The following ZNF318 variants were observed in gnomAD, a reference collection of about 807,000 sequenced individuals.
ZNF318 encodes the protein zinc finger protein 318, also known as endocrine regulator.
Under a neutral mutation model 124.2 loss-of-function variants are expected in ZNF318, and 51 were observed. The observed-to-expected ratio is 0.41, with a 90% CI of 0.33 to 0.52. ZNF318 has a LOEUF of 0.52. Among genes scored for constraint, ZNF318 ranks in the 20% least tolerant of loss-of-function variants. The pLI is 0.23. For missense variants in ZNF318, 2,815 were observed against 2,811.2 expected (o/e 1.00, Z -0.03); for synonymous variants, 1,090 against 1,040.7 (o/e 1.05, Z -0.91).
At position 43,337,234 on chromosome 6, in the gene ZNF318, A is replaced by G. The variant is rs1196809186; in HGVS notation, c.6764T>C (p.Val2255Ala). Residue 2255 changes from valine to alanine, a missense_variant, in exon 10 of 10, where the codon GTC becomes GCC. Physicochemically the swap from Val to Ala is moderately conservative, Grantham distance 64. Transcript: ENST00000361428. ...TTCCTGTTCAGGCATTCCCTGAGGG[A>G]CCATATTGTCTTCAATTACCTGCTC... ...PREQVIEDNM[V>A]PQGMPEQETT... The G allele has an allele frequency of 6.2e-6, 10 of 1,614,080 alleles. No individual in the cohort carries two copies. The highest frequency in any genetic ancestry group is 8.5e-6 in the Non-Finnish European group (10 of 1,179,984).
intron 2 of ZNF318, among the ~76,000 whole-genome samples, chr6:43,361,436 C>T (rs1175348456): frequency 6.6e-6 from 1 of 152,180 alleles, no homozygotes; most frequent in Admixed American, 6.5e-5. Flanking sequence ...TGTGGCAGTG[C>T]AGCCCATAGT....
chr6:43,340,449 T>A lies in ZNF318; in HGVS notation c.3549A>T (p.Gln1183His). 1 of 1,613,424 alleles carries A rather than the reference T, an allele frequency of 6.2e-7. No individual in the cohort carries two copies. Among genetic ancestry groups the A allele is most frequent in the South Asian group, 1.1e-5 (1 of 90,848 alleles). ...LYEERRNLDR[Q>H]AGLAVVLETE... ...TCTCTAGGACCACAGCCAAGCCAGCTTGGCGGTCCAGATTCCGCCGCTCCT... is the reference window on the plus strand; with the variant it reads ...TCTCTAGGACCACAGCCAAGCCAGCATGGCGGTCCAGATTCCGCCGCTCCT... Residue 1183 changes from glutamine to histidine, a missense_variant, in exon 10 of 10, where the codon CAA (glutamine) becomes CAT (histidine). By Grantham distance (24) the Gln-to-His change is conservative. Around this residue, in one of 4 missense-constraint regions of ZNF318, gnomAD observed 500 missense variants for 605.2 expected, o/e 0.83. Coordinates refer to ENST00000361428, the MANE Select transcript of ZNF318 (RefSeq NM_014345.3).
intron 8 of ZNF318, among the ~76,000 whole-genome samples, chr6:43,341,518 C>T (rs1779373136): frequency 6.6e-6 from 1 of 151,984 alleles, no homozygotes; most frequent in African/African-American, 2.4e-5. Flanking sequence ...GGCATGGTGG[C>T]AGGCGCCTGT....
rs756450411 is a variant in ZNF318 at position 43,348,530 on chromosome 6, T to C, written c.2866A>G (p.Ile956Val). The C allele has an allele frequency of 6.2e-6, 10 of 1,614,098 alleles. No individual in the cohort carries two copies. The highest frequency in any genetic ancestry group is 7.6e-6 in the Non-Finnish European group (9 of 1,180,036). The change falls in exon 6 of 10, where the codon ATT (isoleucine) becomes GTT (valine). Residue 956 changes from isoleucine to valine, a missense_variant. Ile to Val is a conservative substitution (Grantham distance 29). This residue lies in a region of ZNF318 where 1,377 missense variants were observed against 1,353.5 expected (regional missense o/e 1.02). Coordinates refer to ENST00000361428, the MANE Select transcript of ZNF318 (RefSeq NM_014345.3). ...SRLQDNIMKD[I>V]AELRQEAEEA... The stretch of plus-strand genomic sequence containing the variant: ...TCTGCCTCTTGCCGTAGCTCTGCAA[T>C]GTCCTTCATAATGTTATCCTGAAGC...
At chr6:43,351,164 C>T (rs1779517852) in intron 5 of ZNF318, among the ~76,000 whole-genome samples, 1 of 152,090 alleles carries the variant, frequency 6.6e-6, no homozygotes, top group Admixed American at 6.5e-5. Context: ...GGATATTCTA[C>T]AAAATATGTG....
chr6:43,360,025 C>T (rs2150756260), intron 2 of ZNF318, among the ~76,000 whole-genome samples: 1 of 152,270 alleles, frequency 6.6e-6, no homozygotes, highest in South Asian at 2.1e-4. Flanking sequence ...ACACCATCTA[C>T]CATACAAAAA....
At chr6:43,362,476 A>T (rs1408806271) in intron 2 of ZNF318, among the ~76,000 whole-genome samples, 1 of 151,724 alleles carries the variant, frequency 6.6e-6, no homozygotes, top group Non-Finnish European at 1.5e-5. Flanking sequence ...TAAAAATAAA[A>T]AAATAAATGA....
Position 43,348,604 on chromosome 6 carries a change from C to T in ZNF318, c.2792G>A (p.Arg931Gln), listed in dbSNP as rs1203369676. The T allele has an allele frequency of 5.0e-6, 8 of 1,613,950 alleles. No individual in the cohort carries two copies. Among genetic ancestry groups the T allele is most frequent in the Non-Finnish European group, 6.8e-6 (8 of 1,179,916 alleles). The change falls in exon 6 of 10, where the codon CGA (arginine) becomes CAA (glutamine). Residue 931 changes from arginine to glutamine, a missense_variant. Around this residue, in one of 4 missense-constraint regions of ZNF318, gnomAD observed 1,377 missense variants for 1,353.5 expected, o/e 1.02. Transcript: ENST00000361428. ...KQQGEMLRKK[R>Q]REKDGHKDPL... The stretch of plus-strand genomic sequence containing the variant: ...ATCTTTGTGGCCATCCTTCTCCCTT[C>T]GTTTCTTGCGCAGCATTTCTCCTGA...
Position 43,338,050 on chromosome 6 carries a change from T to G in ZNF318, c.5948A>C (p.Gln1983Pro). The change falls in exon 10 of 10, where the codon CAA becomes CCA. Residue 1983 changes from glutamine (Q) to proline (P), a missense_variant. By Grantham distance (76) the Gln-to-Pro change is moderately conservative. Around this residue, in one of 4 missense-constraint regions of ZNF318, gnomAD observed 927 missense variants for 820.6 expected, o/e 1.13. Transcript: ENST00000361428. ...CACTGTTAACTCTGGATGGACATCT[T>G]GTAGCTCCAGTGCTTCTGTTTTTGG... is the stretch of plus-strand genomic sequence containing the variant. ...EKPKTEALEL[Q>P]DVHPELTVTI... 6.2e-7 allele frequency: 1 copy of G among 1,614,230 alleles called. No homozygotes were observed. Among genetic ancestry groups the G allele is most frequent in the Non-Finnish European group, 8.5e-7 (1 of 1,180,046 alleles).
At position 43,356,055 on chromosome 6, in the gene ZNF318, C is replaced by T. The variant is rs1040034509; in HGVS notation, c.1279G>A (p.Ala427Thr). Residue 427 changes from alanine to threonine, a missense_variant, in exon 4 of 10, where the codon GCT becomes ACT. Coordinates refer to ENST00000361428, the MANE Select transcript of ZNF318 (RefSeq NM_014345.3). ...PSLPLSGAIA[A>T]FASEIENKGT... is the part of the protein sequence containing the mutation. ...TTGTTTTCAATCTCTGAGGCAAAAGCAGCAATAGCACCACTTAGTGGAAGG... is the reference window on the plus strand; with the variant it reads ...TTGTTTTCAATCTCTGAGGCAAAAGTAGCAATAGCACCACTTAGTGGAAGG... 1.9e-6 allele frequency: 3 copies of T among 1,614,218 alleles called. No individual in the cohort carries two copies. Among genetic ancestry groups the T allele is most frequent in the Non-Finnish European group, 2.5e-6 (3 of 1,180,038 alleles).
Position 43,337,409 on chromosome 6 carries a change from G to T in ZNF318, c.6589C>A (p.Pro2197Thr). Residue 2197 changes from proline to threonine, a missense_variant, in exon 10 of 10, where the codon CCT becomes ACT. Around this residue, in one of 4 missense-constraint regions of ZNF318, gnomAD observed 927 missense variants for 820.6 expected, o/e 1.13. Transcript: ENST00000361428. Reference protein sequence around the residue: ...LCSPLSEPGDPSKCSSLELGP... With the variant: ...LCSPLSEPGDTSKCSSLELGP... ...AACTCCAGGGAACTACATTTAGAAGGGTCACCTGGCTCAGAGAGTGGAGAA... is the reference window on the plus strand; with the variant it reads ...AACTCCAGGGAACTACATTTAGAAGTGTCACCTGGCTCAGAGAGTGGAGAA... 2 of 1,614,134 alleles carry T rather than the reference G, an allele frequency of 1.2e-6. No homozygotes were observed. The highest frequency in any genetic ancestry group is 1.1e-5 in the South Asian group (1 of 91,078).
At chr6:43,357,080 TA>T in intron 3 of ZNF318, 45 bp downstream of exon 3, 1 of 1,559,290 alleles carries the variant, frequency 6.4e-7, no homozygotes, top group South Asian at 1.2e-5. Context: ...GGCTTTAAGA[TA>T]TTAGGGAGAC....
In ZNF318 at chr6:43,337,227, CT is replaced by C. The variant is rs1303145100; in HGVS notation, c.6770del (p.Gln2257ArgfsTer45). 1 of 1,613,954 alleles carries C rather than the reference CT, an allele frequency of 6.2e-7. No individual in the cohort carries two copies. The highest frequency in any genetic ancestry group is 8.5e-7 in the Non-Finnish European group (1 of 1,179,974). ...EQVIEDNMVP[Q>X]GMPEQETTVG... ...CTGTAGTTTCCTGTTCAGGCATTCCCTGAGGGACCATATTGTCTTCAATTAC... is the reference window on the plus strand; with the variant it reads ...CTGTAGTTTCCTGTTCAGGCATTCCCGAGGGACCATATTGTCTTCAATTAC... On this transcript the variant is annotated frameshift_variant, in exon 10 of 10. Transcript: ENST00000361428. LOFTEE classifies it high-confidence loss of function.
chr6:43,339,182 T>C lies in ZNF318; in HGVS notation c.4816A>G (p.Arg1606Gly), dbSNP rs369567647. ...GAAGAGGTGTCTGAACTTTTGGTTC[T>C]AGAGAGGTTGCTATTTTCCCCATTG... ...LANGENSNLSRTKSSDTSSTS... is the reference protein window; with the variant it reads ...LANGENSNLSGTKSSDTSSTS... The change falls in exon 10 of 10, where the codon AGA becomes GGA. Residue 1606 changes from arginine (R) to glycine (G), a missense_variant. This residue lies in a region of ZNF318 where 927 missense variants were observed against 820.6 expected (regional missense o/e 1.13). Coordinates refer to ENST00000361428, the MANE Select transcript of ZNF318 (RefSeq NM_014345.3). This position sits in a 1 kb window ranked among gnomAD's most constrained non-coding sequence, Gnocchi z 4.2. 23 of 1,614,190 alleles carry C rather than the reference T, an allele frequency of 1.4e-5. No homozygotes were observed. In the African/African-American group the frequency reaches 2.5e-4, roughly 18 times the overall value.
Position 43,355,838 on chromosome 6 carries a change from C to T in ZNF318, c.1496G>A (p.Arg499Lys), listed in dbSNP as rs1275299732. 1.2e-6 allele frequency: 2 copies of T among 1,614,136 alleles called. No individual in the cohort carries two copies. The highest frequency in any genetic ancestry group is 1.7e-6 in the Non-Finnish European group (2 of 1,180,054). ...RHTDFLLPHE[R>K]ASQDGSGFSR... ...AAAACCACTGCCATCCTGGCTAGCT[C>T]TCTCATGGGGCAGCAGGAAGTCTGT... Residue 499 changes from arginine (R) to lysine (K), a missense_variant, in exon 4 of 10, where the codon AGA becomes AAA. Transcript: ENST00000361428.
Position 43,342,760 on chromosome 6 carries a change from G to C in ZNF318, c.3192C>G (p.Gly1064=). The part of the protein sequence containing the change: ...PTAAYEYYDA[G]NHWCKDCNTI... ...TGTTGCAGTCTTTGCACCAGTGATT[G>C]CCAGCATCATAATACTCATAAGCAG... The change falls in exon 7 of 10, where the codon GGC becomes GGG. Residue 1064 remains glycine (G), a synonymous_variant. Coordinates refer to ENST00000361428, the MANE Select transcript of ZNF318 (RefSeq NM_014345.3). 6.2e-7 allele frequency: 1 copy of C among 1,614,224 alleles called. No homozygotes were observed. Among genetic ancestry groups the C allele is most frequent in the Non-Finnish European group, 8.5e-7 (1 of 1,180,046 alleles).
At chr6:43,350,871 T>C (rs998147021) in intron 5 of ZNF318, among the ~76,000 whole-genome samples, 2 of 152,216 alleles carry the variant, frequency 1.3e-5, no homozygotes, top group Admixed American at 6.5e-5. Context: ...GACTCATCAA[T>C]GGATGCTAAA....
intron 4 of ZNF318, among the ~76,000 whole-genome samples, chr6:43,353,124 CTGACT>C (rs1230200436): frequency 1.3e-5 from 2 of 152,118 alleles, no homozygotes; most frequent in African/African-American, 2.4e-5. Context: ...TATCAGCGCC[CTGACT>C]TAAGGACTAG....
Position 43,356,142 on chromosome 6 carries a change from C to G in ZNF318, c.1192G>C (p.Glu398Gln), listed in dbSNP as rs2150754818. 1 of 1,609,056 alleles carries G rather than the reference C, an allele frequency of 6.2e-7. No individual in the cohort carries two copies. Among genetic ancestry groups the G allele is most frequent in the Non-Finnish European group, 8.5e-7 (1 of 1,178,202 alleles). ...VDIMEPSMQL[E>Q]SFSSSTSSSQ... Reference sequence around the variant, plus strand: ...GAGCTGGTACTGCTGGAAAAACTCTCAAGCTGCAAAGACAAACACAACTGA... The same window carrying G: ...GAGCTGGTACTGCTGGAAAAACTCTGAAGCTGCAAAGACAAACACAACTGA... Residue 398 changes from glutamate to glutamine, a missense_variant, in exon 4 of 10, where the codon GAG becomes CAG. This residue lies in a region of ZNF318 where 1,377 missense variants were observed against 1,353.5 expected (regional missense o/e 1.02). Transcript: ENST00000361428.
Sources: allele counts gnomAD v4.1 joint callset (sites outside exome capture counted in the v4.1 genomes callset), GRCh38; gene constraint gnomAD v4.1.1; regional missense constraint gnomAD v4.1.1; non-coding constraint Gnocchi (gnomAD v3.1); transcripts MANE v1.5; gene names NCBI Gene and HGNC (gene_info 2026-07-23, HGNC 2026-07-21).